The following RICTOR variants were observed in gnomAD, a reference collection of about 807,000 sequenced individuals.
RICTOR encodes the protein rapamycin-insensitive companion of mTOR.
In RICTOR, 49 loss-of-function variants were observed where a neutral mutation model predicts 214.9. That is an observed-to-expected ratio of 0.23 (90% CI 0.18 to 0.29). The LOEUF (loss-of-function observed/expected upper bound fraction) is 0.29, where lower values mean the gene tolerates loss of function less well. RICTOR is among the 10% of genes least tolerant of loss of function. The pLI is 1.00. For missense variants in RICTOR, 1,625 were observed against 2,047.0 expected (o/e 0.79, Z 3.98); for synonymous variants, 717 against 711.3 (o/e 1.01, Z -0.13).
At chr5:39,030,981 T>G (rs1056858918) in intron 2 of RICTOR, among the ~76,000 whole-genome samples, 33 of 152,136 alleles carry the variant, frequency 2.2e-4, no homozygotes, top group African/African-American at 6.5e-4. Flanking sequence ...GAGGGTGATA[T>G]GCATATAACG....
chr5:39,002,411 T>C, intron 5 of RICTOR, 124 bp downstream of exon 5: 1 of 591,728 alleles, frequency 1.7e-6, no homozygotes, highest in African/African-American at 1.9e-5. Flanking sequence ...TATATATATA[T>C]ATATACACAC....
chr5:38,985,243 A>G (rs1010866643), intron 7 of RICTOR, among the ~76,000 whole-genome samples: 1 of 152,234 alleles, frequency 6.6e-6, no homozygotes, highest in Non-Finnish European at 1.5e-5. Context: ...AAAATGGCAT[A>G]GTATTTACAT....
intron 2 of RICTOR, among the ~76,000 whole-genome samples, chr5:39,036,543 C>A (rs552151219): frequency 6.6e-6 from 1 of 152,210 alleles, no homozygotes; most frequent in East Asian, 1.9e-4. Context: ...AGTATCAAGA[C>A]CCATCAGTGT....
At chr5:38,973,495 G>GT (rs1750957027) in intron 10 of RICTOR, among the ~76,000 whole-genome samples, 1 of 152,280 alleles carries the variant, frequency 6.6e-6, no homozygotes, top group African/African-American at 2.4e-5. Flanking sequence ...TCACTGTATA[G>GT]TTTTTTCAAT....
chr5:38,963,532 T>C (rs142347934), intron 16 of RICTOR, among the ~76,000 whole-genome samples: 1 of 151,994 alleles, frequency 6.6e-6, no homozygotes, highest in Non-Finnish European at 1.5e-5. Flanking sequence ...TATATTTTTA[T>C]AAATTATATT....
intron 36 of RICTOR, chr5:38,944,206 T>G (rs1457180933): frequency 1.7e-6 from 1 of 585,110 alleles, no homozygotes; most frequent in Non-Finnish European, 3.2e-6. Flanking sequence ...TGCAGATCTC[T>G]TCAAAAGTCT....
intron 2 of RICTOR, among the ~76,000 whole-genome samples, chr5:39,032,402 G>T (rs1228033632): frequency 6.6e-6 from 1 of 152,068 alleles, no homozygotes; most frequent in Non-Finnish European, 1.5e-5. Flanking sequence ...AATTACAATG[G>T]CAAGTCAATC....
intron 2 of RICTOR, among the ~76,000 whole-genome samples, chr5:39,028,424 C>T (rs998118888): frequency 1.3e-5 from 2 of 151,970 alleles, no homozygotes; most frequent in Admixed American, 6.6e-5. Flanking sequence ...CCTCGTGATC[C>T]GCCCGCCTCG....
chr5:38,971,133 G>A (rs1027067809), intron 11 of RICTOR: 6 of 152,136 alleles, frequency 3.9e-5, no homozygotes, highest in African/African-American at 1.5e-4. Context: ...TCAGCATCCT[G>A]AGTACTTGGG....
Position 39,017,804 on chromosome 5 carries a change from G to C in RICTOR, c.195+3235C>G, listed in dbSNP as rs371958792. ...AGTCACAGTTCAATTACTTGACAAA[G>C]AATATTTGGAAGGATTAAAACAGTA... is the stretch of plus-strand genomic sequence containing the variant. On this transcript the variant is annotated intron_variant, in intron 3 of 37. Coordinates refer to ENST00000357387, the MANE Select transcript of RICTOR (RefSeq NM_152756.5). 2.0e-5 allele frequency among the ~76,000 whole-genome samples: 3 copies of C among 152,042 alleles called. No individual in the cohort carries two copies. In the South Asian group the frequency reaches 6.2e-4, roughly 32 times the overall value.
At chr5:38,967,275 C>T (rs41271107) in intron 13 of RICTOR, 48 bp from the exon 14 acceptor site, 37,092 of 1,592,590 alleles carry the variant, frequency 0.023, 759 homozygotes, top group South Asian at 0.083. Context: ...TCATAGATTA[C>T]ACAGTCTAAC....
In RICTOR at chr5:38,938,846, C is replaced by A. The variant is rs963752167; in HGVS notation, c.*3458G>T. 2 of 232,968 alleles carry A rather than the reference C, an allele frequency of 8.6e-6. No homozygotes were observed. The highest frequency in any genetic ancestry group is 1.7e-5 in the Non-Finnish European group (2 of 117,688). The allele number at this position is 232,968 out of a possible 1,614,324, so 14.4% of individuals were successfully genotyped here. A position where few individuals can be genotyped will look rare whatever the true frequency, so the allele number is the denominator to read the frequency against. On this transcript the variant is annotated 3_prime_UTR_variant, in exon 38 of 38. Coordinates refer to ENST00000357387, the MANE Select transcript of RICTOR (RefSeq NM_152756.5). The stretch of plus-strand genomic sequence containing the variant: ...GAGACAATGGAGACTTCCTAACTTA[C>A]ATTTTGGAAAATCTGAAATGTTGGT...
chr5:39,029,745 G>A (rs963948865), intron 2 of RICTOR, among the ~76,000 whole-genome samples: 8 of 152,128 alleles, frequency 5.3e-5, no homozygotes, highest in Non-Finnish European at 7.4e-5. Context: ...TACGTAAAGT[G>A]GAAATATTTG....
chr5:39,073,553 G>A (rs1475383970), intron 2 of RICTOR, among the ~76,000 whole-genome samples: 1 of 152,126 alleles, frequency 6.6e-6, no homozygotes, highest in Non-Finnish European at 1.5e-5. Flanking sequence ...CAGACATTTA[G>A]CAGTAATGAC....
At chr5:39,002,169 CAAAAAAAAA>C (rs70982532) in intron 5 of RICTOR, among the ~76,000 whole-genome samples, 1 of 122,556 alleles carries the variant, frequency 8.2e-6, no homozygotes, top group Non-Finnish European at 1.7e-5. Context: ...TGTTACACAG[CAAAAAAAAA>C]AAAAAAAAAA....
intron 31 of RICTOR, among the ~76,000 whole-genome samples, chr5:38,948,801 T>C (rs1748448972): frequency 1.3e-5 from 2 of 152,050 alleles, no homozygotes; most frequent in African/African-American, 2.4e-5. Flanking sequence ...ACACAATTCA[T>C]TGTCTGCTAC....
intron 12 of RICTOR, 115 bp downstream of exon 12, chr5:38,967,828 T>G: frequency 3.5e-6 from 2 of 576,282 alleles, no homozygotes; most frequent in South Asian, 2.8e-5. Context: ...GTCACAATTA[T>G]GCAGCAAGAA....
chr5:39,034,432 C>T lies in RICTOR; in HGVS notation c.98-13296G>A, dbSNP rs574289186. 7.5e-4 allele frequency among the ~76,000 whole-genome samples: 115 copies of T among 152,348 alleles called. No homozygotes were observed. The Middle Eastern group carries it at 0.01, about 14-fold the overall frequency. ...ATTTCTGCATTTCCAACTGAGGTAA[C>T]GGGTTCATCTCACTGGGGAGTGCCG... is the stretch of plus-strand genomic sequence containing the variant. On this transcript the variant is annotated intron_variant, in intron 2 of 37. Coordinates refer to ENST00000357387, the MANE Select transcript of RICTOR (RefSeq NM_152756.5).
At chr5:39,015,810 C>T (rs932584269) in intron 3 of RICTOR, among the ~76,000 whole-genome samples, 8 of 152,046 alleles carry the variant, frequency 5.3e-5, no homozygotes, top group Non-Finnish European at 7.4e-5. Context: ...AATCAAGGCA[C>T]TACCTATTAC....
Sources: gnomAD v4.1 joint callset for allele counts (sites outside exome capture counted in the v4.1 genomes callset) on GRCh38, gnomAD v4.1.1 for gene constraint, MANE v1.5 for transcripts, NCBI Gene and HGNC (gene_info 2026-07-23, HGNC 2026-07-21) for gene names.